Variants in DDX10 observed in about 807,000 individuals in gnomAD.
DDX10 encodes probable ATP-dependent RNA helicase DDX10.
A neutral mutation model predicts 104.3 loss-of-function variants in DDX10; 74 were observed. The observed-to-expected ratio is 0.71, with a 90% CI of 0.59 to 0.86. The LOEUF is 0.86. Ranked by LOEUF, DDX10 falls within the 40% of genes least tolerant of loss-of-function variation. The pLI is 0.00. For missense variants in DDX10, 952 were observed against 1,040.0 expected (o/e 0.92, Z 1.16); for synonymous variants, 351 against 353.4 (o/e 0.99, Z 0.08).
chr11:108,904,594 C>T (rs1863565753), intron 16 of DDX10, among the ~76,000 whole-genome samples: 1 of 152,154 alleles, frequency 6.6e-6, no homozygotes, highest in Non-Finnish European at 1.5e-5. Context: ...GACTGGGTTC[C>T]TACTTGGAGA....
intron 6 of DDX10, among the ~76,000 whole-genome samples, chr11:108,687,594 T>C (rs1457242384): frequency 3.3e-5 from 5 of 152,206 alleles, no homozygotes; most frequent in African/African-American, 1.2e-4. Flanking sequence ...TCTGTTAAGA[T>C]TTTTGGCCTC....
intron 15 of DDX10, among the ~76,000 whole-genome samples, chr11:108,848,119 C>T (rs1862742622): frequency 6.6e-6 from 1 of 152,068 alleles, no homozygotes; most frequent in Non-Finnish European, 1.5e-5. Flanking sequence ...TTTCATGTTT[C>T]CAGAACAAGG....
In DDX10 at chr11:108,679,427, G is replaced by A. The variant is rs945500182; in HGVS notation, c.715G>A (p.Val239Ile). Reference protein sequence around the residue: ...DMGFADTMNAVIENLPKKRQT... With the variant: ...DMGFADTMNAIIENLPKKRQT... ...GGGCTTTGCTGATACCATGAATGCT[G>A]TTATTGAAAATCTCCCCAAGAAACG... is the stretch of plus-strand genomic sequence containing the variant. The change falls in exon 6 of 18, where the codon GTT (valine) becomes ATT (isoleucine). Residue 239 changes from valine to isoleucine, a missense_variant. Coordinates refer to ENST00000322536, the MANE Select transcript of DDX10 (RefSeq NM_004398.4). The A allele has an allele frequency of 3.1e-6, 5 of 1,612,358 alleles. No homozygotes were observed. In the African/African-American group the frequency reaches 5.3e-5, roughly 17 times the overall value.
In DDX10 at chr11:108,723,003, T is replaced by G. The variant is rs2094300231; in HGVS notation, c.1506T>G (p.Leu502=). The G allele has an allele frequency of 6.2e-7, 1 of 1,602,518 alleles. No individual in the cohort carries two copies. Among genetic ancestry groups the G allele is most frequent in the South Asian group, 1.1e-5 (1 of 89,098 alleles). ...KLPIPEYALS[L]GLAVAPRVRF... The stretch of plus-strand genomic sequence containing the variant: ...ACGTTTTTCCATATTTAAGGTCTCT[T>G]GGTCTTGCTGTGGCACCACGCGTAA... Residue 502 remains leucine, a synonymous_variant, in exon 13 of 18, where the codon CTT becomes CTG. Transcript: ENST00000322536.
At chr11:108,794,000 C>A (rs1412457288) in intron 13 of DDX10, among the ~76,000 whole-genome samples, 1 of 152,056 alleles carries the variant, frequency 6.6e-6, no homozygotes, top group African/African-American at 2.4e-5. Context: ...CTGCAAATGA[C>A]ATGATTTCAT....
At chr11:108,897,960 A>T (rs1373567943) in intron 16 of DDX10, among the ~76,000 whole-genome samples, 1 of 152,090 alleles carries the variant, frequency 6.6e-6, no homozygotes, top group African/African-American at 2.4e-5. Flanking sequence ...TTTCGAATAA[A>T]ATTTTACCGT....
intron 2 of DDX10, among the ~76,000 whole-genome samples, chr11:108,675,242 A>G (rs542052226): frequency 6.6e-6 from 1 of 152,232 alleles, no homozygotes; most frequent in South Asian, 2.1e-4. Flanking sequence ...ATACTTTTCA[A>G]AGTAGTGGTT....
At chr11:108,867,787 T>C (rs1447331866) in intron 16 of DDX10, among the ~76,000 whole-genome samples, 2 of 152,156 alleles carry the variant, frequency 1.3e-5, no homozygotes, top group Non-Finnish European at 2.9e-5. Flanking sequence ...ATAGGAAAAT[T>C]ATTAACAAAA....
At chr11:108,826,988 C>T (rs973740401) in intron 13 of DDX10, among the ~76,000 whole-genome samples, 2 of 152,130 alleles carry the variant, frequency 1.3e-5, no homozygotes, top group Non-Finnish European at 2.9e-5. Flanking sequence ...TCTTCTAAGG[C>T]AGTTTGAGCA....
At chr11:108,780,137 T>C (rs1259180828) in intron 13 of DDX10, among the ~76,000 whole-genome samples, 1 of 152,180 alleles carries the variant, frequency 6.6e-6, no homozygotes, top group Non-Finnish European at 1.5e-5. Context: ...ATAAGGACCA[T>C]AGCTATCGAT....
intron 1 of DDX10, among the ~76,000 whole-genome samples, chr11:108,666,886 T>C (rs1056670842): frequency 1.3e-5 from 2 of 152,088 alleles, no homozygotes; most frequent in Non-Finnish European, 2.9e-5. Context: ...TGGACATGAG[T>C]TGGGATCATT....
intron 13 of DDX10, among the ~76,000 whole-genome samples, chr11:108,788,234 C>T (rs769714174): frequency 3.9e-5 from 6 of 152,098 alleles, no homozygotes; most frequent in Non-Finnish European, 7.4e-5. Context: ...CTGATTCTTT[C>T]TTGTGTGTGA....
At chr11:108,751,998 G>A (rs748998529) in intron 13 of DDX10, among the ~76,000 whole-genome samples, 1 of 152,100 alleles carries the variant, frequency 6.6e-6, no homozygotes, top group Non-Finnish European at 1.5e-5. Flanking sequence ...CACCATATCA[G>A]CCAGGTCTTA....
At chr11:108,742,114 G>A (rs547810617) in intron 13 of DDX10, among the ~76,000 whole-genome samples, 1 of 152,116 alleles carries the variant, frequency 6.6e-6, no homozygotes, top group Non-Finnish European at 1.5e-5. Context: ...ACAAAAATTA[G>A]CTGGGTGTGG....
At chr11:108,717,891 G>T (rs1312759875) in intron 11 of DDX10, among the ~76,000 whole-genome samples, 1 of 152,196 alleles carries the variant, frequency 6.6e-6, no homozygotes, top group Admixed American at 6.5e-5. Context: ...GGTTGGGGTG[G>T]CTCATGCCTA....
intron 13 of DDX10, among the ~76,000 whole-genome samples, chr11:108,759,777 A>G (rs747754216): frequency 9.9e-5 from 15 of 151,896 alleles, no homozygotes; most frequent in Non-Finnish European, 2.1e-4. Flanking sequence ...TTAATCCAAT[A>G]ACTCAGAGTA....
chr11:108,710,452 T>C (rs552342297), intron 10 of DDX10, among the ~76,000 whole-genome samples: 1 of 146,964 alleles, frequency 6.8e-6, no homozygotes, highest in Non-Finnish European at 1.5e-5. Context: ...CCTTAAAACT[T>C]TTTTTTTTTT....
intron 13 of DDX10, among the ~76,000 whole-genome samples, chr11:108,789,369 A>G (rs1426133333): frequency 3.9e-5 from 6 of 152,220 alleles, no homozygotes; most frequent in African/African-American, 1.2e-4. Context: ...AGACTAATCT[A>G]TCTAGGAAAC....
At chr11:108,748,207 C>T (rs1591808246) in intron 13 of DDX10, among the ~76,000 whole-genome samples, 1 of 152,298 alleles carries the variant, frequency 6.6e-6, no homozygotes, top group South Asian at 2.1e-4. Context: ...AGAAAGTATG[C>T]AGTCTTTCTG....
Sources: allele counts gnomAD v4.1 joint callset (sites outside exome capture counted in the v4.1 genomes callset), GRCh38; gene constraint gnomAD v4.1.1; transcripts MANE v1.5; gene names NCBI Gene and HGNC (gene_info 2026-07-23, HGNC 2026-07-21).